The following QPCTL variants were observed in gnomAD, a reference collection of about 807,000 sequenced individuals.
QPCTL encodes glutaminyl-peptide cyclotransferase-like protein.
A neutral mutation model predicts 34.6 loss-of-function variants in QPCTL; 31 were observed. The ratio of observed to expected loss-of-function variants is 0.90; its 90% confidence interval spans 0.67 to 1.21. QPCTL has a LOEUF of 1.21. Ranked by LOEUF, QPCTL falls within the 50% of genes most tolerant of loss-of-function variation. The probability of loss-of-function intolerance (pLI) is 0.00; values close to 1 mark genes in which losing one functional copy is unlikely to be tolerated. For missense variants in QPCTL, 474 were observed against 507.8 expected, an observed-to-expected ratio of 0.93 and a Z score of 0.64; for synonymous variants, 223 against 226.9, an observed-to-expected ratio of 0.98 and a Z score of 0.15.
chr19:45,701,785 C>T lies in QPCTL; in HGVS notation c.887-13C>T. The T allele has an allele frequency of 6.3e-7, 1 of 1,598,070 alleles. No homozygotes were observed. Among genetic ancestry groups the T allele is most frequent in the East Asian group, 2.2e-5 (1 of 44,686 alleles). Reference sequence around the variant, plus strand: ...AGGACTAACCCTTCCTCTCTAATCGCCCCCACTTCCAGAGAAGCGTCTGCA... The same window carrying T: ...AGGACTAACCCTTCCTCTCTAATCGTCCCCACTTCCAGAGAAGCGTCTGCA... On this transcript the variant is annotated splice_polypyrimidine_tract_variant and intron_variant, in intron 5 of 6. Transcript: ENST00000012049.
chr19:45,699,285 C>T (rs1967767548), intron 5 of QPCTL, among the ~76,000 whole-genome samples: 1 of 151,776 alleles, frequency 6.6e-6, no homozygotes, highest in Non-Finnish European at 1.5e-5. Context: ...TCCACCTCAG[C>T]CTCCCAAAGT....
chr19:45,700,416 C>G (rs1290465847), intron 5 of QPCTL, among the ~76,000 whole-genome samples: 1 of 151,644 alleles, frequency 6.6e-6, no homozygotes, highest in Non-Finnish European at 1.5e-5. Context: ...TGCACTCCAG[C>G]CTGGGTGACA....
chr19:45,698,734 G>A (rs779257770), intron 4 of QPCTL, 35 bp downstream of exon 4: 22 of 1,613,624 alleles, frequency 1.4e-5, no homozygotes, highest in Non-Finnish European at 1.9e-5. Flanking sequence ...TGGCGAGGGA[G>A]GGAGCAGGTT....
rs1967623627 is a variant in QPCTL at position 45,693,496 on chromosome 19, T to C, written c.291T>C (p.Tyr97=). ...ATCCACAGCGTCTCTGGAGCACTTA[T>C]CTGCGCCCCCTGCTGGTTGTGCGAA... ...QLDPQRLWST[Y]LRPLLVVRTP... The change falls in exon 2 of 7, where the codon TAT becomes TAC. Residue 97 remains tyrosine (Y), a synonymous_variant. Coordinates refer to ENST00000012049, the MANE Select transcript of QPCTL (RefSeq NM_017659.4). 1.2e-6 allele frequency: 2 copies of C among 1,613,046 alleles called. No individual in the cohort carries two copies. The highest frequency in any genetic ancestry group is 1.3e-5 in the African/African-American group (1 of 74,882).
intron 3 of QPCTL, among the ~76,000 whole-genome samples, chr19:45,697,052 G>A (rs929991039): frequency 2.6e-5 from 4 of 151,878 alleles, no homozygotes; most frequent in Non-Finnish European, 4.4e-5. Context: ...ACTGAGAGGC[G>A]GAGGTTGCAG....
chr19:45,695,778 C>A, intron 3 of QPCTL, 60 bp downstream of exon 3: 2 of 1,485,338 alleles, frequency 1.3e-6, no homozygotes, highest in South Asian at 2.6e-5. Context: ...AAGCCCCCAC[C>A]CTCCCTTGCC....
At chr19:45,696,998 G>A (rs1967709625) in intron 3 of QPCTL, among the ~76,000 whole-genome samples, 1 of 151,926 alleles carries the variant, frequency 6.6e-6, no homozygotes, top group Non-Finnish European at 1.5e-5. Context: ...GTACATACCT[G>A]TAATCCTACT....
rs977150887 is a variant in QPCTL, at chr19:45,703,135, G to T, written c.*86G>T. The T allele has an allele frequency of 6.7e-5, 103 of 1,529,068 alleles. No homozygotes were observed. Among genetic ancestry groups the T allele is most frequent in the Non-Finnish European group, 8.4e-5 (94 of 1,112,902 alleles). 94.7% of individuals were successfully genotyped at this position (1,529,068 alleles called of 1,614,324 possible). A position where few individuals can be genotyped will look rare whatever the true frequency, so the allele number is the denominator to read the frequency against. On this transcript the variant is annotated 3_prime_UTR_variant, in exon 7 of 7. Transcript: ENST00000012049. ...GAAGCTCAGGCAGGATCTGCCTAGG[G>T]TGTGCTGGTTTGTCCTTTTCATACC...
intron 2 of QPCTL, among the ~76,000 whole-genome samples, 160 bp from the exon 3 acceptor site, chr19:45,695,277 C>T (rs1377765441): frequency 3.3e-5 from 5 of 151,548 alleles, no homozygotes; most frequent in East Asian, 1.9e-4. Flanking sequence ...CAGAGCAAGA[C>T]TCCATCTCAA....
At chr19:45,693,347 CG>C (rs1967614543) in intron 1 of QPCTL, 65 bp from the exon 2 acceptor site, 1 of 1,521,198 alleles carries the variant, frequency 6.6e-7, no homozygotes, top group African/African-American at 1.4e-5. Context: ...TGACGGCGCC[CG>C]GGGTAGGGTT....
In QPCTL at chr19:45,702,889, C is replaced by T; in HGVS notation, c.1004-15C>T. The T allele has an allele frequency of 6.2e-7, 1 of 1,613,992 alleles. No homozygotes were observed. The highest frequency in any genetic ancestry group is 8.5e-7 in the Non-Finnish European group (1 of 1,179,948). On this transcript the variant is annotated splice_polypyrimidine_tract_variant and intron_variant, in intron 6 of 6. Coordinates refer to ENST00000012049, the MANE Select transcript of QPCTL (RefSeq NM_017659.4). ...GGCTGCAGTGGACCTGACAAAGTCTCCTCTGTCACTTCAGGGGTACCCGTG... is the reference window on the plus strand; with the variant it reads ...GGCTGCAGTGGACCTGACAAAGTCTTCTCTGTCACTTCAGGGGTACCCGTG...
Position 45,693,511 on chromosome 19 carries a change from G to A in QPCTL, c.306G>A (p.Leu102=). Residue 102 remains leucine (L), a synonymous_variant, in exon 2 of 7, where the codon CTG becomes CTA. Transcript: ENST00000012049. ...RLWSTYLRPL[L]VVRTPGSPGN... ...GGAGCACTTATCTGCGCCCCCTGCT[G>A]GTTGTGCGAACCCCGGGCAGCCCGG... The A allele has an allele frequency of 6.2e-7, 1 of 1,612,828 alleles. No homozygotes were observed. Among genetic ancestry groups the A allele is most frequent in the South Asian group, 1.1e-5 (1 of 90,828 alleles).
intron 6 of QPCTL, among the ~76,000 whole-genome samples, chr19:45,702,144 A>C (rs1305605501): frequency 6.6e-6 from 1 of 152,086 alleles, no homozygotes; most frequent in African/African-American, 2.4e-5. Flanking sequence ...CACCCAGCAC[A>C]TAGCAAGCAT....
chr19:45,695,201 A>T (rs997466405), intron 2 of QPCTL, among the ~76,000 whole-genome samples: 1 of 152,014 alleles, frequency 6.6e-6, no homozygotes, highest in Admixed American at 6.6e-5. Context: ...CAGGAGAATC[A>T]CTTGAAGCCA....
intron 2 of QPCTL, among the ~76,000 whole-genome samples, chr19:45,694,284 C>G (rs1432856179): frequency 1.3e-5 from 2 of 151,714 alleles, no homozygotes; most frequent in African/African-American, 4.8e-5. Flanking sequence ...GAGGCTGAGG[C>G]ACGAGAATCA....
In QPCTL at chr19:45,693,419, T is replaced by C. The variant is rs776012447; in HGVS notation, c.214T>C (p.Leu72=). The C allele has an allele frequency of 1.2e-6, 2 of 1,610,686 alleles. No individual in the cohort carries two copies. Among genetic ancestry groups the C allele is most frequent in the Non-Finnish European group, 1.7e-6 (2 of 1,178,062 alleles). ...ATCCCACCTCCTTCCCAAGGTCCCA[T>C]TGATCGGAAGCCTCCCCGAAGCCCG... ...LPLGRELRVP[L]IGSLPEARLR... The change falls in exon 2 of 7, where the codon TTG becomes CTG. Residue 72 remains leucine, a synonymous_variant. Coordinates refer to ENST00000012049, the MANE Select transcript of QPCTL (RefSeq NM_017659.4).
At position 45,698,806 on chromosome 19, in the gene QPCTL, C is replaced by T; in HGVS notation, c.792C>T (p.Leu264=). ...PGPTRIQAIE[L]FMLLDLLGAP... ...GTCCTAGCCTTTCTCCTTAGGAGCT[C>T]TTTATGCTTCTTGATCTCCTGGGAG... Residue 264 remains leucine, a synonymous_variant, in exon 5 of 7, where the codon CTC becomes CTT. Coordinates refer to ENST00000012049, the MANE Select transcript of QPCTL (RefSeq NM_017659.4). 1 of 1,614,006 alleles carries T rather than the reference C, an allele frequency of 6.2e-7. No individual in the cohort carries two copies. The highest frequency in any genetic ancestry group is 1.1e-5 in the South Asian group (1 of 91,080).
chr19:45,698,849 TACAGCC>T lies in QPCTL; in HGVS notation c.838_843del (p.Ser280_His281del). ...CCTGGGAGCCCCCAATCCCACCTTC[TACAGCC>T]ACTTCCCTCGCACGGTCCGCTGGTT... On this transcript the variant is annotated inframe_deletion, in exon 5 of 7. Transcript: ENST00000012049. 6.2e-7 allele frequency: 1 copy of T among 1,613,996 alleles called. No individual in the cohort carries two copies. The highest frequency in any genetic ancestry group is 2.2e-5 in the East Asian group (1 of 44,858).
At chr19:45,698,476 G>A in intron 3 of QPCTL, 71 bp from the exon 4 acceptor site, 1 of 1,575,640 alleles carries the variant, frequency 6.3e-7, no homozygotes, top group South Asian at 1.1e-5. Flanking sequence ...AAGCGGGCAA[G>A]AAGTGTGGGT....
Sources: allele counts gnomAD v4.1 joint callset (sites outside exome capture counted in the v4.1 genomes callset), GRCh38; gene constraint gnomAD v4.1.1; transcripts MANE v1.5; gene names NCBI Gene and HGNC (gene_info 2026-07-23, HGNC 2026-07-21).